ENOX1: variants seen among roughly 807,000 people sequenced by gnomAD.
ENOX1 encodes the protein candidate growth-related and time keeping constitutive hydroquinone (NADH) oxidase.
A neutral mutation model predicts 82.5 loss-of-function variants in ENOX1; 42 were observed. The observed-to-expected ratio is 0.51, with a 90% CI of 0.40 to 0.66. The LOEUF (loss-of-function observed/expected upper bound fraction) is 0.66. Among genes scored for constraint, ENOX1 ranks in the 30% least tolerant of loss-of-function variants. The probability of loss-of-function intolerance (pLI) is 0.00; values close to 1 mark genes in which losing one functional copy is unlikely to be tolerated. For missense variants in ENOX1, 608 were observed against 811.6 expected, an observed-to-expected ratio of 0.75 and a Z score of 3.05; for synonymous variants, 271 against 282.2, an observed-to-expected ratio of 0.96 and a Z score of 0.40.
intron 3 of ENOX1, among the ~76,000 whole-genome samples, chr13:43,472,211 G>C (rs972541437): frequency 1.3e-5 from 2 of 152,008 alleles, no homozygotes; most frequent in African/African-American, 4.8e-5. Flanking sequence ...AATAAGCACT[G>C]AATAAATGTT....
intron 9 of ENOX1, among the ~76,000 whole-genome samples, chr13:43,338,395 G>A (rs1273836742): frequency 1.3e-5 from 2 of 152,220 alleles, no homozygotes; most frequent in South Asian, 2.1e-4. Context: ...GCAAATGGAC[G>A]GGTTAAGAAA....
chr13:43,631,020 A>G (rs1016311537), intron 2 of ENOX1, among the ~76,000 whole-genome samples: 29 of 152,156 alleles, frequency 1.9e-4, no homozygotes, highest in Non-Finnish European at 3.7e-4. Context: ...TTCACTTAAC[A>G]TAATGTATTT....
At chr13:43,637,720 T>A (rs887038966) in intron 2 of ENOX1, among the ~76,000 whole-genome samples, 3 of 152,074 alleles carry the variant, frequency 2.0e-5, no homozygotes, top group African/African-American at 7.2e-5. Flanking sequence ...TCAAACTACC[T>A]TTTCATTGCC....
At chr13:43,611,703 T>G (rs2082208459) in intron 2 of ENOX1, among the ~76,000 whole-genome samples, 1 of 152,254 alleles carries the variant, frequency 6.6e-6, no homozygotes, top group South Asian at 2.1e-4. Flanking sequence ...GGCAATACTT[T>G]TTTTGTAAAG....
intron 2 of ENOX1, among the ~76,000 whole-genome samples, chr13:43,535,474 C>A (rs1410549935): frequency 6.6e-6 from 1 of 152,174 alleles, no homozygotes; most frequent in Non-Finnish European, 1.5e-5. Flanking sequence ...CCTCTCCCCC[C>A]ATCGTTAACT....
At chr13:43,284,782 GT>G (rs2153494191) in intron 12 of ENOX1, among the ~76,000 whole-genome samples, 1 of 99,902 alleles carries the variant, frequency 1.0e-5, no homozygotes, top group East Asian at 1.2e-3. Context: ...GTGTGTGTGT[GT>G]GTGTGTGTGT....
intron 3 of ENOX1, among the ~76,000 whole-genome samples, chr13:43,467,337 TAA>T (rs948698478): frequency 6.6e-6 from 1 of 152,168 alleles, no homozygotes; most frequent in Non-Finnish European, 1.5e-5. Context: ...ATTTACTGTC[TAA>T]AAATGATAGA....
intron 2 of ENOX1, among the ~76,000 whole-genome samples, chr13:43,656,311 A>T (rs1480793772): frequency 6.6e-6 from 1 of 152,226 alleles, no homozygotes; most frequent in Non-Finnish European, 1.5e-5. Context: ...TCAGTAATGC[A>T]GGCAGAAAGA....
intron 5 of ENOX1, among the ~76,000 whole-genome samples, chr13:43,369,082 C>A (rs561357945): frequency 6.6e-6 from 1 of 152,110 alleles, no homozygotes; most frequent in African/African-American, 2.4e-5. Flanking sequence ...AATATGTTGA[C>A]TTCGGACTTG....
intron 1 of ENOX1, among the ~76,000 whole-genome samples, chr13:43,746,984 T>C (rs1331799749): frequency 1.3e-5 from 2 of 152,212 alleles, no homozygotes; most frequent in African/African-American, 4.8e-5. Flanking sequence ...ATGCCTCAGA[T>C]ACTTGCAGGA....
chr13:43,439,064 C>T (rs1296348108), intron 3 of ENOX1, among the ~76,000 whole-genome samples: 1 of 79,086 alleles, frequency 1.3e-5, no homozygotes, highest in Non-Finnish European at 3.0e-5. Context: ...TTTTTTTGAG[C>T]GGAGTTTCAT....
chr13:43,255,223 G>A (rs766783905), intron 14 of ENOX1, among the ~76,000 whole-genome samples: 1 of 152,100 alleles, frequency 6.6e-6, no homozygotes, highest in African/African-American at 2.4e-5. Context: ...TGGTGAAAAA[G>A]CATTTGGGAA....
chr13:43,484,315 C>G (rs7320958), intron 2 of ENOX1, among the ~76,000 whole-genome samples, 163 bp from the exon 3 acceptor site: 115,814 of 152,176 alleles, frequency 0.76, 44,249 homozygotes, highest in East Asian at 0.98. Context: ...GAGTGGGACA[C>G]TAACCTTTCA....
chr13:43,661,659 C>T lies in ENOX1; in HGVS notation c.-219+5820G>A, dbSNP rs145951766. Among the ~76,000 whole-genome samples the T allele has an allele frequency of 4.5e-3, 689 of 152,186 alleles. 4 individuals carry two copies. The highest frequency in any genetic ancestry group is 8.3e-3 in the Non-Finnish European group (563 of 67,996). On this transcript the variant is annotated intron_variant, in intron 2 of 16. Coordinates refer to ENST00000690772, the MANE Select transcript of ENOX1 (RefSeq NM_001347969.2). ...AAGTCATGTGAAGCTGGCCTGGATT[C>T]CTTGGCAGTAAAAATGTGAGAGAAC...
chr13:43,666,506 G>A (rs1329609958), intron 2 of ENOX1, among the ~76,000 whole-genome samples: 1 of 152,126 alleles, frequency 6.6e-6, no homozygotes, highest in African/African-American at 2.4e-5. Flanking sequence ...TAAAGACACA[G>A]GGAGAATGCC....
intron 2 of ENOX1, chr13:43,544,830 C>G (rs1190342690): frequency 6.6e-6 from 1 of 152,010 alleles, no homozygotes; most frequent in Non-Finnish European, 1.5e-5. Flanking sequence ...ATCTGCTGGT[C>G]AAGACAAGCA....
intron 2 of ENOX1, among the ~76,000 whole-genome samples, chr13:43,621,046 T>C (rs146527095): frequency 0.011 from 1,703 of 152,314 alleles, 22 homozygotes; most frequent in African/African-American, 0.034. Flanking sequence ...TGTTTTGTCT[T>C]ATGTAAGAAT....
intron 1 of ENOX1, among the ~76,000 whole-genome samples, chr13:43,766,611 T>C (rs1018361500): frequency 6.6e-6 from 1 of 152,178 alleles, no homozygotes; most frequent in Admixed American, 6.5e-5. Context: ...AGGGAACGGT[T>C]ATGAGCTTGT....
chr13:43,370,369 G>GA (rs529881220), intron 5 of ENOX1, among the ~76,000 whole-genome samples: 311 of 143,934 alleles, frequency 2.2e-3, no homozygotes, highest in South Asian at 9.1e-3. Context: ...TCCATCTCAA[G>GA]AAAAAAAAAA....
Sources: gnomAD v4.1 joint callset for allele counts (sites outside exome capture counted in the v4.1 genomes callset) on GRCh38, gnomAD v4.1.1 for gene constraint, MANE v1.5 for transcripts, NCBI Gene and HGNC (gene_info 2026-07-23, HGNC 2026-07-21) for gene names.